The following SLIT3 variants were observed in gnomAD, a reference collection of about 807,000 sequenced individuals.
The protein encoded by SLIT3 is slit homolog 3 protein.
Under a neutral mutation model 184.0 loss-of-function variants are expected in SLIT3, and 68 were observed. That is an observed-to-expected ratio of 0.37 (90% CI 0.30 to 0.45). SLIT3 has a LOEUF of 0.45. Among genes scored for constraint, SLIT3 ranks in the 20% least tolerant of loss-of-function variants. The probability of loss-of-function intolerance (pLI) is 1.00; values close to 1 mark genes in which losing one functional copy is unlikely to be tolerated. For synonymous variants in SLIT3, 831 were observed against 828.6 expected, an observed-to-expected ratio of 1.00 and a Z score of -0.05; for missense variants, 1,707 against 2,026.0, an observed-to-expected ratio of 0.84 and a Z score of 3.02.
chr5:169,068,793 A>G (rs961661894), intron 4 of SLIT3, among the ~76,000 whole-genome samples: 8 of 152,020 alleles, frequency 5.3e-5, no homozygotes, highest in Non-Finnish European at 1.0e-4. Context: ...TGCCTTTATC[A>G]TACTCATTAC....
chr5:168,683,965 C>T lies in SLIT3; in HGVS notation c.3686+1G>A. The T allele has an allele frequency of 6.4e-7, 1 of 1,573,122 alleles. No individual in the cohort carries two copies. The highest frequency in any genetic ancestry group is 8.6e-7 in the Non-Finnish European group (1 of 1,157,208). On this transcript the variant is annotated splice_donor_variant, in intron 32 of 35. Coordinates refer to ENST00000519560, the MANE Select transcript of SLIT3 (RefSeq NM_003062.4). LOFTEE classifies it high-confidence loss of function. ...GGGTCAGGAGGGAGAGAGGCCCTTA[C>T]CTGTACACTGTGGTTGGAGGGGAAC...
chr5:168,733,810 AAAG>A (rs1222958805), intron 20 of SLIT3, among the ~76,000 whole-genome samples: 2 of 151,948 alleles, frequency 1.3e-5, no homozygotes, highest in Non-Finnish European at 1.5e-5. Context: ...TAAAAAAAAA[AAAG>A]AAAATGTGGA....
intron 4 of SLIT3, among the ~76,000 whole-genome samples, chr5:169,045,316 G>A (rs998002329): frequency 3.3e-5 from 5 of 151,852 alleles, no homozygotes; most frequent in Admixed American, 6.6e-5. Context: ...CTCACTGCCC[G>A]GGCTTTCCCT....
chr5:168,929,756 C>T (rs147099394), intron 4 of SLIT3, among the ~76,000 whole-genome samples: 94 of 152,336 alleles, frequency 6.2e-4, no homozygotes, highest in African/African-American at 2.2e-3. Context: ...GAATGGGAAA[C>T]TGCAAATAGT....
At chr5:168,715,343 CCT>C (rs1242170924) in intron 23 of SLIT3, among the ~76,000 whole-genome samples, 1 of 152,206 alleles carries the variant, frequency 6.6e-6, no homozygotes, top group Admixed American at 6.5e-5. Flanking sequence ...TGTAGCCGTT[CCT>C]CTGTTTTCTA....
chr5:168,707,512 A>G (rs2113305139), intron 26 of SLIT3: 1 of 158,576 alleles, frequency 6.3e-6, no homozygotes, highest in East Asian at 1.9e-4. Context: ...AGGCCTTTCA[A>G]TCCCCAATCC....
chr5:168,755,874 A>C (rs11744189), intron 16 of SLIT3, among the ~76,000 whole-genome samples: 121,740 of 152,144 alleles, frequency 0.8, 49,491 homozygotes, highest in East Asian at 0.95. Flanking sequence ...ACTGCGAGTT[A>C]GCAGTTCTCC....
At chr5:169,181,123 C>T (rs74766885) in intron 4 of SLIT3, among the ~76,000 whole-genome samples, 2,796 of 152,324 alleles carry the variant, frequency 0.018, 35 homozygotes, top group Non-Finnish European at 0.029. Context: ...ACTGCAGCTG[C>T]CTTTCTAATC....
chr5:168,684,071 A>G lies in SLIT3; in HGVS notation c.3581T>C (p.Ile1194Thr). 6.2e-7 allele frequency: 1 copy of G among 1,606,248 alleles called. No homozygotes were observed. The highest frequency in any genetic ancestry group is 8.5e-7 in the Non-Finnish European group (1 of 1,175,934). Reference sequence around the variant, plus strand: ...GTCATTGTCTCCTTTGTAGAGAAGGATGCCGTTGTCCTTGTCAGTGGCCAC... The same window carrying G: ...GTCATTGTCTCCTTTGTAGAGAAGGGTGCCGTTGTCCTTGTCAGTGGCCAC... ...LQVATDKDNG[I>T]LLYKGDNDPL... The change falls in exon 32 of 36, where the codon ATC becomes ACC. Residue 1194 changes from isoleucine (I) to threonine (T), a missense_variant. Ile to Thr is a moderately conservative substitution (Grantham distance 89, BLOSUM62 -1). Coordinates refer to ENST00000519560, the MANE Select transcript of SLIT3 (RefSeq NM_003062.4).
rs1755607629 is a variant in SLIT3 at position 168,772,908 on chromosome 5, G to A, written c.1332C>T (p.His444=). 6.2e-7 allele frequency: 1 copy of A among 1,612,800 alleles called. No homozygotes were observed. The highest frequency in any genetic ancestry group is 1.1e-5 in the South Asian group (1 of 90,902). ...LAQNPFVCDC[H]LKWLADYLQD... Reference sequence around the variant, plus strand: ...GGAGGTAGTCGGCCAGCCACTTCAAGTGGCAGTCGCACACAAATGGGTTTT... The same window carrying A: ...GGAGGTAGTCGGCCAGCCACTTCAAATGGCAGTCGCACACAAATGGGTTTT... Residue 444 remains histidine, a synonymous_variant, in exon 14 of 36, where the codon CAC becomes CAT. Transcript: ENST00000519560.
chr5:168,898,993 T>G (rs1000945173), intron 4 of SLIT3, among the ~76,000 whole-genome samples: 26 of 141,282 alleles, frequency 1.8e-4, no homozygotes, highest in Non-Finnish European at 9.6e-5. Flanking sequence ...ATCCAAACAT[T>G]TGGGTAAAAG....
intron 4 of SLIT3, among the ~76,000 whole-genome samples, chr5:169,083,317 T>C (rs560789754): frequency 6.6e-6 from 1 of 152,252 alleles, no homozygotes; most frequent in Non-Finnish European, 1.5e-5. Flanking sequence ...AAAAAGACTC[T>C]AGGTTAACTG....
rs755326023 is a variant in SLIT3, at chr5:168,671,280, CCTT to C, written c.4042_4044del (p.Lys1348del). ...GGGCGGCACTCGCACACCACGCTGT[CCTT>C]CTCCACGGAGCGGCACAGGCCGTGC... is the stretch of plus-strand genomic sequence containing the variant. On this transcript the variant is annotated inframe_deletion, in exon 34 of 36. Transcript: ENST00000519560. 1.8e-5 allele frequency: 29 copies of C among 1,613,698 alleles called. 1 individual carries two copies. The highest frequency in any genetic ancestry group is 3.3e-5 in the South Asian group (3 of 91,068).
chr5:168,899,267 G>C (rs1335245188), intron 4 of SLIT3, among the ~76,000 whole-genome samples: 1 of 152,196 alleles, frequency 6.6e-6, no homozygotes, highest in Non-Finnish European at 1.5e-5. Flanking sequence ...TGTAATCTCA[G>C]CATTCTGGGG....
intron 4 of SLIT3, among the ~76,000 whole-genome samples, chr5:168,975,870 C>T (rs1754738998): frequency 6.6e-6 from 1 of 152,146 alleles, no homozygotes; most frequent in South Asian, 2.1e-4. Flanking sequence ...GGGTGGGCGT[C>T]CTGATCTCAC....
chr5:169,005,595 G>T (rs1755890207), intron 4 of SLIT3, among the ~76,000 whole-genome samples: 1 of 152,206 alleles, frequency 6.6e-6, no homozygotes, highest in Middle Eastern at 3.2e-3. Context: ...ATTTGCAAAT[G>T]ACACTCATGA....
At chr5:168,751,201 G>A (rs1754689227) in intron 18 of SLIT3, among the ~76,000 whole-genome samples, 1 of 152,180 alleles carries the variant, frequency 6.6e-6, no homozygotes, top group Non-Finnish European at 1.5e-5. Flanking sequence ...ATGACGTGGG[G>A]CCGGCCTTTA....
chr5:168,894,480 T>G (rs1246060011), intron 4 of SLIT3, among the ~76,000 whole-genome samples: 1 of 152,166 alleles, frequency 6.6e-6, no homozygotes, highest in Non-Finnish European at 1.5e-5. Flanking sequence ...TCCCTTTGGA[T>G]TACAAAGAGC....
At chr5:169,015,648 T>C (rs1023254741) in intron 4 of SLIT3, among the ~76,000 whole-genome samples, 8 of 152,142 alleles carry the variant, frequency 5.3e-5, no homozygotes, top group African/African-American at 1.9e-4. Context: ...AACATTACTC[T>C]GGCCAGGTGT....
Sources: gnomAD v4.1 joint callset for allele counts (sites outside exome capture counted in the v4.1 genomes callset) on GRCh38, gnomAD v4.1.1 for gene constraint, MANE v1.5 for transcripts, NCBI Gene and HGNC (gene_info 2026-07-23, HGNC 2026-07-21) for gene names.